Variants in COL28A1 observed in about 807,000 individuals in gnomAD.
COL28A1 encodes the protein collagen alpha-1(XXVIII) chain.
COL28A1 carries 161 observed loss-of-function variants against 150.2 expected under a neutral mutation model. The ratio of observed to expected loss-of-function variants is 1.07; its 90% confidence interval spans 0.94 to 1.22. The LOEUF is 1.22. Ranked by LOEUF, COL28A1 falls within the 50% of genes most tolerant of loss-of-function variation. COL28A1 has a pLI of 0.00. For missense variants in COL28A1, 1,617 were observed against 1,388.3 expected (o/e 1.16, Z -2.62); for synonymous variants, 552 against 469.7 (o/e 1.18, Z -2.26).
chr7:7,438,068 C>T (rs2128318059), intron 21 of COL28A1, among the ~76,000 whole-genome samples: 1 of 150,820 alleles, frequency 6.6e-6, no homozygotes, highest in Middle Eastern at 3.4e-3. Context: ...AACCCCATCG[C>T]TACTAAAAAT....
chr7:7,524,678 A>C (rs1409923933), intron 3 of COL28A1, among the ~76,000 whole-genome samples: 1 of 152,108 alleles, frequency 6.6e-6, no homozygotes, highest in Non-Finnish European at 1.5e-5. Context: ...TCTATTTTTC[A>C]TGATTTATTT....
intron 25 of COL28A1, among the ~76,000 whole-genome samples, chr7:7,421,193 T>C (rs1784376561): frequency 6.6e-6 from 1 of 152,112 alleles, no homozygotes; most frequent in Admixed American, 6.6e-5. Flanking sequence ...AAAAACATTA[T>C]TACTGATGAA....
chr7:7,382,283 C>G (rs1202642160), intron 27 of COL28A1, among the ~76,000 whole-genome samples: 1 of 151,578 alleles, frequency 6.6e-6, no homozygotes, highest in Non-Finnish European at 1.5e-5. Context: ...GCACTCCAGC[C>G]TGGGCAACAA....
chr7:7,343,336 C>T, the COL28A1 span, among the ~76,000 whole-genome samples: 1 of 151,950 alleles, frequency 6.6e-6, no homozygotes, highest in South Asian at 2.1e-4. Context: ...ATCTAAAATT[C>T]CAATTAATCT....
intron 14 of COL28A1, among the ~76,000 whole-genome samples, chr7:7,475,722 G>C (rs1788812562): frequency 6.6e-6 from 1 of 151,840 alleles, no homozygotes; most frequent in Non-Finnish European, 1.5e-5. Context: ...CAGATTATTT[G>C]GGCTACACAT....
chr7:7,374,038 A>AAAAAAAATAT, intron 31 of COL28A1, among the ~76,000 whole-genome samples: 17 of 113,622 alleles, frequency 1.5e-4, no homozygotes, highest in African/African-American at 6.4e-4. Context: ...AAAAAAAAAA[A>AAAAAAAATAT]ATATATATAT....
the COL28A1 span, among the ~76,000 whole-genome samples, chr7:7,339,037 A>T: frequency 6.6e-6 from 1 of 152,170 alleles, no homozygotes; most frequent in Non-Finnish European, 1.5e-5. Context: ...TAGATTAGCC[A>T]GTTCTAAGCC....
chr7:7,387,860 G>C (rs1353893964), intron 27 of COL28A1, among the ~76,000 whole-genome samples: 1 of 152,114 alleles, frequency 6.6e-6, no homozygotes, highest in East Asian at 1.9e-4. Flanking sequence ...CAAAGTTTGG[G>C]AGCCCAAAGG....
At chr7:7,340,428 T>C in the COL28A1 span, among the ~76,000 whole-genome samples, 1 of 152,126 alleles carries the variant, frequency 6.6e-6, no homozygotes, top group African/African-American at 2.4e-5. Flanking sequence ...ATTGTTATTA[T>C]TGATGTCTAA....
intron 11 of COL28A1, among the ~76,000 whole-genome samples, chr7:7,494,294 T>C (rs1780085147): frequency 6.6e-6 from 1 of 152,144 alleles, no homozygotes; most frequent in Non-Finnish European, 1.5e-5. Flanking sequence ...TTTCCTCAAA[T>C]GATTGTTCTG....
intron 15 of COL28A1, among the ~76,000 whole-genome samples, chr7:7,458,428 AAAACAAAAAACAAAC>A (rs1271162252): frequency 1.3e-5 from 2 of 152,026 alleles, no homozygotes; most frequent in Admixed American, 6.6e-5. Flanking sequence ...AAAAAAAAAC[AAAACAAAAAACAAAC>A]AAACAAAAAA....
intron 21 of COL28A1, among the ~76,000 whole-genome samples, chr7:7,438,176 C>G (rs1321328071): frequency 3.3e-5 from 5 of 152,046 alleles, no homozygotes; most frequent in African/African-American, 1.2e-4. Flanking sequence ...CACTCAAACC[C>G]TGGACGCAGA....
chr7:7,389,757 C>T (rs4724979), intron 27 of COL28A1, among the ~76,000 whole-genome samples: 87,320 of 151,430 alleles, frequency 0.58, 27,191 homozygotes, highest in South Asian at 0.7. Context: ...CTCTTTGTAG[C>T]AATTGTGAAT....
downstream of COL28A1, among the ~76,000 whole-genome samples, chr7:7,353,037 C>T (rs989315643): frequency 6.6e-6 from 1 of 152,304 alleles, no homozygotes; most frequent in East Asian, 1.9e-4. Flanking sequence ...ATAGCTGTTA[C>T]ATTGTGCATC....
At chr7:7,446,577 T>C (rs982152704) in intron 18 of COL28A1, among the ~76,000 whole-genome samples, 2 of 152,094 alleles carry the variant, frequency 1.3e-5, no homozygotes, top group African/African-American at 4.8e-5. Flanking sequence ...CTAAAAAAAA[T>C]AGAAAAGAGG....
At chr7:7,485,158 T>G (rs1779555535) in intron 13 of COL28A1, among the ~76,000 whole-genome samples, 1 of 152,032 alleles carries the variant, frequency 6.6e-6, no homozygotes, top group Non-Finnish European at 1.5e-5. Context: ...CATATTAAAG[T>G]TTAGTAACCA....
intron 25 of COL28A1, among the ~76,000 whole-genome samples, chr7:7,422,681 CTG>C (rs1784440227): frequency 6.6e-6 from 1 of 151,832 alleles, no homozygotes; most frequent in African/African-American, 2.4e-5. Flanking sequence ...GTGCCTCCTG[CTG>C]TGATACATTA....
intron 11 of COL28A1, among the ~76,000 whole-genome samples, chr7:7,493,735 T>G (rs1372259982): frequency 6.6e-6 from 1 of 152,108 alleles, no homozygotes; most frequent in Non-Finnish European, 1.5e-5. Flanking sequence ...TAAAATATGC[T>G]GTCTGGGTAA....
intron 25 of COL28A1, among the ~76,000 whole-genome samples, chr7:7,427,600 T>C (rs987843210): frequency 1.3e-5 from 2 of 152,136 alleles, no homozygotes; most frequent in African/African-American, 4.8e-5. Context: ...AGAGGGGCAA[T>C]TCAGATGCTG....
Sources: allele counts gnomAD v4.1 joint callset (sites outside exome capture counted in the v4.1 genomes callset), GRCh38; gene constraint gnomAD v4.1.1; transcripts MANE v1.5; gene names NCBI Gene and HGNC (gene_info 2026-07-23, HGNC 2026-07-21).